MAST4: variants seen among roughly 807,000 people sequenced by gnomAD.
MAST4 encodes the protein microtubule associated serine/threonine kinase family member 4, also known as microtubule-associated serine/threonine-protein kinase 4.
A neutral mutation model predicts 162.7 loss-of-function variants in MAST4; 89 were observed. The observed-to-expected ratio is 0.55, with a 90% CI of 0.46 to 0.65. The LOEUF (loss-of-function observed/expected upper bound fraction) is 0.65, where lower values mean the gene tolerates loss of function less well. Among genes scored for constraint, MAST4 ranks in the 30% least tolerant of loss-of-function variants. The pLI, the probability that MAST4 is intolerant of heterozygous loss-of-function variation, is 0.00. For synonymous variants in MAST4, 1,479 were observed against 1,361.1 expected (o/e 1.09, Z -1.91); for missense variants, 3,153 against 3,374.0 (o/e 0.93, Z 1.62).
intron 3 of MAST4, chr5:66,828,626 G>T: frequency 1.7e-6 from 1 of 586,314 alleles, no homozygotes; most frequent in Non-Finnish European, 3.0e-6. Flanking sequence ...AGGTGTCTGA[G>T]CCCACTTGCT....
intron 1 of MAST4, among the ~76,000 whole-genome samples, chr5:66,612,481 A>T (rs745819626): frequency 2.0e-5 from 3 of 152,164 alleles, no homozygotes; most frequent in Non-Finnish European, 4.4e-5. Flanking sequence ...TGTCAACTCT[A>T]CAGGTATTGA....
At chr5:66,859,032 A>T (rs1456850173) in intron 3 of MAST4, among the ~76,000 whole-genome samples, 1 of 152,052 alleles carries the variant, frequency 6.6e-6, no homozygotes. Flanking sequence ...AGCTCTTTTA[A>T]TCAAAAATAA....
chr5:67,089,984 C>A (rs1763648493), intron 5 of MAST4, among the ~76,000 whole-genome samples, 178 bp from the exon 6 acceptor site: 1 of 152,044 alleles, frequency 6.6e-6, no homozygotes, highest in Non-Finnish European at 1.5e-5. Flanking sequence ...GCTCCCCCAT[C>A]CCCATCTCCT....
intron 1 of MAST4, among the ~76,000 whole-genome samples, chr5:66,716,992 G>A (rs12187195): frequency 0.015 from 2,260 of 152,288 alleles, 28 homozygotes; most frequent in Non-Finnish European, 0.022. Flanking sequence ...CTCCCTCAAG[G>A]AGCTCATTCT....
At chr5:67,043,151 A>G (rs1756971131) in intron 4 of MAST4, among the ~76,000 whole-genome samples, 1 of 152,198 alleles carries the variant, frequency 6.6e-6, no homozygotes, top group Non-Finnish European at 1.5e-5. Flanking sequence ...AGGAAGGAAG[A>G]GACCCTTTTA....
chr5:66,892,317 C>G (rs1368403593), intron 3 of MAST4, among the ~76,000 whole-genome samples: 1 of 152,162 alleles, frequency 6.6e-6, no homozygotes, highest in East Asian at 1.9e-4. Context: ...ACCCTCCTCC[C>G]TTTTGTATTA....
intron 1 of MAST4, among the ~76,000 whole-genome samples, chr5:66,758,178 G>T (rs1294786694): frequency 6.6e-6 from 1 of 151,504 alleles, no homozygotes; most frequent in Non-Finnish European, 1.5e-5. Flanking sequence ...AATACTGACC[G>T]GCAATGAGTG....
rs1756221527 is a variant in MAST4, at chr5:66,807,028, T to TA, written c.642+18239dup. On this transcript the variant is annotated intron_variant, in intron 3 of 28. Transcript: ENST00000403625. ...ATCACTCTTATCTACATTAAATTTTTAAAAAGCTTTTAATTTTTGTGGGTA... is the reference window on the plus strand; with the variant it reads ...ATCACTCTTATCTACATTAAATTTTTAAAAAAGCTTTTAATTTTTGTGGGTA... Among the ~76,000 whole-genome samples, 4 of 152,330 alleles carry TA rather than the reference T, an allele frequency of 2.6e-5. No individual in the cohort carries two copies. The South Asian group carries it at 8.3e-4, about 32-fold the overall frequency.
At chr5:66,662,830 A>AGT (rs1197546039) in intron 1 of MAST4, 1 of 136,602 alleles carries the variant, frequency 7.3e-6, no homozygotes, top group Non-Finnish European at 1.6e-5. Flanking sequence ...TATTTAGTGA[A>AGT]GTCTTTGATA....
At chr5:66,882,513 G>A (rs1486174103) in intron 3 of MAST4, among the ~76,000 whole-genome samples, 1 of 151,658 alleles carries the variant, frequency 6.6e-6, no homozygotes, top group East Asian at 1.9e-4. Context: ...GCTTTACTCT[G>A]CCAGTTAGTA....
At chr5:67,155,528 A>T (rs1772383357) in intron 26 of MAST4, among the ~76,000 whole-genome samples, 1 of 152,196 alleles carries the variant, frequency 6.6e-6, no homozygotes, top group Non-Finnish European at 1.5e-5. Context: ...TGATCTAAGA[A>T]ACTTTCTTTT....
chr5:66,934,906 A>G (rs1742565445), intron 4 of MAST4, among the ~76,000 whole-genome samples: 1 of 152,152 alleles, frequency 6.6e-6, no homozygotes, highest in Non-Finnish European at 1.5e-5. Context: ...AATTTCTGTA[A>G]ATATGTTTCC....
intron 4 of MAST4, among the ~76,000 whole-genome samples, chr5:66,974,813 G>T (rs1217022639): frequency 6.6e-6 from 1 of 152,170 alleles, no homozygotes; most frequent in Non-Finnish European, 1.5e-5. Context: ...GATTTGCAAA[G>T]TATAAGAGTT....
At chr5:66,997,415 G>C (rs753340172) in intron 4 of MAST4, among the ~76,000 whole-genome samples, 1 of 147,084 alleles carries the variant, frequency 6.8e-6, no homozygotes, top group Non-Finnish European at 1.5e-5. Flanking sequence ...CCTAATTAAT[G>C]TGTTTTTTTT....
In MAST4 at chr5:67,166,842, G is replaced by A; in HGVS notation, c.7663G>A (p.Ala2555Thr). The change falls in exon 29 of 29, where the codon GCC becomes ACC. Residue 2555 changes from alanine to threonine, a missense_variant. Physicochemically the swap from Ala to Thr is moderately conservative, Grantham distance 58. Transcript: ENST00000403625. ...CCGGGACAGGGCTCTCTCGGTGACTGCCACCGTAGGGGAAACCAAAGGGAA... is the reference window on the plus strand; with the variant it reads ...CCGGGACAGGGCTCTCTCGGTGACTACCACCGTAGGGGAAACCAAAGGGAA... ...SHRDRALSVTATVGETKGKDP... is the reference protein window; with the variant it reads ...SHRDRALSVTTTVGETKGKDP... 6.2e-7 allele frequency: 1 copy of A among 1,604,288 alleles called. No homozygotes were observed. Among genetic ancestry groups the A allele is most frequent in the Non-Finnish European group, 8.5e-7 (1 of 1,175,922 alleles).
chr5:67,108,573 T>C (rs1765854480), intron 10 of MAST4, among the ~76,000 whole-genome samples: 1 of 152,182 alleles, frequency 6.6e-6, no homozygotes. Flanking sequence ...CTAGGACCTG[T>C]CGTTATAGTT....
At position 67,164,067 on chromosome 5, in the gene MAST4, C is replaced by A; in HGVS notation, c.4888C>A (p.Arg1630Ser). The A allele has an allele frequency of 1.3e-6, 2 of 1,568,066 alleles. No individual in the cohort carries two copies. The highest frequency in any genetic ancestry group is 1.2e-5 in the South Asian group (1 of 85,578). Residue 1630 changes from arginine to serine, a missense_variant, in exon 29 of 29, where the codon CGC becomes AGC. By Grantham distance (110) the Arg-to-Ser change is moderately radical. Around this residue, in one of 7 missense-constraint regions of MAST4, gnomAD observed 1,644 missense variants for 1,495.0 expected, o/e 1.10. Transcript: ENST00000403625. This position sits in a 1 kb window ranked among gnomAD's most constrained non-coding sequence, Gnocchi z 5.3. ...GGATGGCCGGGTGCCTGCGGAGCAC[C>A]GCCAGGGTGGCGGGGACTTCAGACG... Reference protein sequence around the residue: ...MSDGRVPAEHRQGGGDFRRAP... With the variant: ...MSDGRVPAEHSQGGGDFRRAP...
chr5:66,763,195 C>T (rs971198323), intron 2 of MAST4, among the ~76,000 whole-genome samples: 1 of 152,162 alleles, frequency 6.6e-6, no homozygotes, highest in Non-Finnish European at 1.5e-5. Flanking sequence ...TACACTGTTC[C>T]TAGCATAGTC....
At chr5:67,001,278 T>G (rs571535652) in intron 4 of MAST4, 1 of 152,334 alleles carries the variant, frequency 6.6e-6, no homozygotes, top group African/African-American at 2.4e-5. Context: ...GTCAAACAGG[T>G]TAGAAGACAA....
Sources: allele counts gnomAD v4.1 joint callset (sites outside exome capture counted in the v4.1 genomes callset), GRCh38; gene constraint gnomAD v4.1.1; regional missense constraint gnomAD v4.1.1; non-coding constraint Gnocchi (gnomAD v3.1); transcripts MANE v1.5; gene names NCBI Gene and HGNC (gene_info 2026-07-23, HGNC 2026-07-21).